The following TAOK1 variants were observed in gnomAD, a reference collection of about 807,000 sequenced individuals.
TAOK1 encodes TAO kinase 1.
In TAOK1, 21 loss-of-function variants were observed where a neutral mutation model predicts 138.3. That is an observed-to-expected ratio of 0.15 (90% CI 0.11 to 0.22). The LOEUF is 0.22. TAOK1 is among the 10% of genes least tolerant of loss of function. The pLI, the probability that TAOK1 is intolerant of heterozygous loss-of-function variation, is 1.00. For missense variants in TAOK1, 651 were observed against 1,227.7 expected (o/e 0.53, Z 7.02); for synonymous variants, 361 against 398.4 (o/e 0.91, Z 1.12).
chr17:29,502,555 C>T, intron 12 of TAOK1, 34 bp from the exon 13 acceptor site: 1 of 1,587,826 alleles, frequency 6.3e-7, no homozygotes, highest in Non-Finnish European at 8.6e-7. Context: ...AACTGTTCAC[C>T]TTACATAATA....
chr17:29,540,656 C>T (rs1402593286), intron 19 of TAOK1, among the ~76,000 whole-genome samples: 2 of 152,114 alleles, frequency 1.3e-5, no homozygotes, highest in Non-Finnish European at 2.9e-5. Context: ...CCGCAACCTC[C>T]GCCTCCTAGG....
At chr17:29,449,166 AGTTT>A (rs1482334259) in intron 1 of TAOK1, among the ~76,000 whole-genome samples, 2 of 152,110 alleles carry the variant, frequency 1.3e-5, no homozygotes, top group East Asian at 3.9e-4. Context: ...GTAACACTGA[AGTTT>A]GTTTTTTTAA....
At chr17:29,523,239 A>G (rs2031950893) in intron 17 of TAOK1, among the ~76,000 whole-genome samples, 2 of 151,924 alleles carry the variant, frequency 1.3e-5, no homozygotes, top group Non-Finnish European at 2.9e-5. Context: ...ATGAAAGTGC[A>G]TTATAAAGTA....
intron 2 of TAOK1, among the ~76,000 whole-genome samples, chr17:29,461,590 A>G (rs879505248): frequency 5.3e-5 from 8 of 152,144 alleles, no homozygotes; most frequent in Admixed American, 4.6e-4. Context: ...TGCAACATAG[A>G]TTGTATGCGG....
intron 19 of TAOK1, among the ~76,000 whole-genome samples, chr17:29,538,027 GC>G (rs1303781833): frequency 1.3e-5 from 2 of 149,400 alleles, no homozygotes; most frequent in African/African-American, 5.0e-5. Context: ...CAAGGGAATC[GC>G]TTCAACCTGG....
chr17:29,444,697 C>T (rs1303184733), intron 1 of TAOK1, among the ~76,000 whole-genome samples: 1 of 152,128 alleles, frequency 6.6e-6, no homozygotes, highest in Non-Finnish European at 1.5e-5. Flanking sequence ...TACAGAAAAT[C>T]CTCTTGGACT....
chr17:29,492,740 C>T (rs185653391), intron 10 of TAOK1, among the ~76,000 whole-genome samples: 6 of 151,940 alleles, frequency 3.9e-5, no homozygotes, highest in South Asian at 4.2e-4. Flanking sequence ...AGTGGTGAGC[C>T]GAGATTGCAC....
intron 2 of TAOK1, among the ~76,000 whole-genome samples, chr17:29,453,670 G>A (rs546843862): frequency 9.3e-5 from 14 of 150,894 alleles, no homozygotes; most frequent in African/African-American, 2.2e-4. Flanking sequence ...TCCGCCTCCC[G>A]GGTTCAAGCA....
chr17:29,532,909 C>T (rs1423345085), intron 18 of TAOK1, among the ~76,000 whole-genome samples: 3 of 150,744 alleles, frequency 2.0e-5, no homozygotes, highest in African/African-American at 7.3e-5. Context: ...CCCTCACCTC[C>T]TAGACGGGGC....
chr17:29,395,387 T>C (rs545825969), intron 1 of TAOK1, among the ~76,000 whole-genome samples: 1 of 152,032 alleles, frequency 6.6e-6, no homozygotes, highest in South Asian at 2.1e-4. Context: ...ACAAATTAGC[T>C]AGGCATGGTG....
chr17:29,533,733 C>A (rs1197035984), intron 18 of TAOK1, among the ~76,000 whole-genome samples: 1 of 145,968 alleles, frequency 6.9e-6, no homozygotes, highest in African/African-American at 2.6e-5. Context: ...CGCAGGCACT[C>A]GGCAGGCTGA....
Position 29,533,830 on chromosome 17 carries a change from G to GGAAAGAGA in TAOK1, c.2362-287_2362-286insAAAGAGAG, listed in dbSNP as rs1485397753. Among the ~76,000 whole-genome samples the GGAAAGAGA allele has an allele frequency of 1.1e-3, 150 of 139,878 alleles. 2 individuals are homozygous for GGAAAGAGA. In the Middle Eastern group the frequency reaches 0.018, roughly 17 times the overall value. 91.8% of individuals were successfully genotyped at this position (139,878 alleles called of 152,430 possible). A position where few individuals can be genotyped will look rare whatever the true frequency, so the allele number is the denominator to read the frequency against. ...CGGCTCGGCATCAGAGGGAGACCGT[G>GGAAAGAGA]GGGAGAGGGAGGGGGAGGGGGAGAG... On this transcript the variant is annotated intron_variant, in intron 18 of 19. Transcript: ENST00000261716.
intron 8 of TAOK1, among the ~76,000 whole-genome samples, chr17:29,486,493 C>T (rs1470476842): frequency 2.0e-5 from 3 of 151,936 alleles, no homozygotes; most frequent in East Asian, 1.9e-4. Context: ...ATTAGCTGGG[C>T]GTGGTGGCGC....
intron 8 of TAOK1, among the ~76,000 whole-genome samples, chr17:29,482,988 GTCT>G (rs1329928508): frequency 6.6e-6 from 1 of 152,154 alleles, no homozygotes; most frequent in Admixed American, 6.5e-5. Flanking sequence ...GATGCTGGCC[GTCT>G]TCTTGCTCTG....
chr17:29,526,661 A>C (rs1315472337), intron 17 of TAOK1, among the ~76,000 whole-genome samples: 5 of 151,656 alleles, frequency 3.3e-5, no homozygotes, highest in Non-Finnish European at 7.4e-5. Flanking sequence ...TGATCCACCC[A>C]CCTCAGCCTC....
At chr17:29,425,601 C>G (rs1171029795) in intron 1 of TAOK1, among the ~76,000 whole-genome samples, 1 of 152,066 alleles carries the variant, frequency 6.6e-6, no homozygotes, top group Non-Finnish European at 1.5e-5. Flanking sequence ...ATGGCTTGAG[C>G]CTGGGAGAGC....
chr17:29,422,328 T>C (rs1034423291), intron 1 of TAOK1, among the ~76,000 whole-genome samples: 5 of 150,844 alleles, frequency 3.3e-5, no homozygotes, highest in Admixed American at 2.0e-4. Context: ...CTCAGCCTCC[T>C]GAGTAGCTGG....
intron 1 of TAOK1, among the ~76,000 whole-genome samples, chr17:29,411,348 C>T (rs1342741786): frequency 5.9e-5 from 9 of 151,972 alleles, no homozygotes; most frequent in Non-Finnish European, 1.0e-4. Flanking sequence ...GCCTCGGCCT[C>T]CCAAAGTGCT....
intron 1 of TAOK1, among the ~76,000 whole-genome samples, chr17:29,420,870 C>T (rs1014404200): frequency 3.9e-5 from 6 of 152,102 alleles, no homozygotes; most frequent in Admixed American, 6.6e-5. Context: ...GTGTGAGCCA[C>T]CGCGCCCAGC....
Sources: allele counts gnomAD v4.1 joint callset (sites outside exome capture counted in the v4.1 genomes callset), GRCh38; gene constraint gnomAD v4.1.1; transcripts MANE v1.5; gene names NCBI Gene and HGNC (gene_info 2026-07-23, HGNC 2026-07-21).